The following PRR33 variants were observed in gnomAD, a reference collection of about 807,000 sequenced individuals.
PRR33 encodes the protein proline rich 33.
PRR33 carries 1 observed loss-of-function variant against 0.5 expected under a neutral mutation model. That is an observed-to-expected ratio of 2.18 (90% CI 0.77 to 10.34). The LOEUF (loss-of-function observed/expected upper bound fraction) is 10.34, where lower values mean the gene tolerates loss of function less well. Among genes scored for constraint, PRR33 ranks in the 30% most tolerant of loss-of-function variants. The pLI, the probability that PRR33 is intolerant of heterozygous loss-of-function variation, is 0.13. For missense variants in PRR33, 552 were observed against 251.8 expected (o/e 2.19, Z -8.07); for synonymous variants, 226 against 110.0 (o/e 2.06, Z -6.60).
chr11:1,909,483 C>T, the PRR33 span, among the ~76,000 whole-genome samples: 8,130 of 152,130 alleles, frequency 0.053, 293 homozygotes, highest in Non-Finnish European at 0.081. Context: ...TGGTGGCACG[C>T]GCCTGTAATC....
Position 1,889,414 on chromosome 11 carries a change from G to A in PRR33, c.1171C>T (p.Arg391Trp), listed in dbSNP as rs761918001. The change falls in exon 1 of 1, where the codon CGG becomes TGG. Residue 391 changes from arginine to tryptophan, a missense_variant. By Grantham distance (101) the Arg-to-Trp change is moderately radical. Transcript: ENST00000640310. ...CTGGAGGTCCGGGAGGCGGGGGCCC[G>A]GGGTGCGGTGAGGGCGGGCACCTCC... 1.9e-4 allele frequency: 129 copies of A among 679,390 alleles called. No individual in the cohort carries two copies. In the African/African-American group the frequency reaches 2.1e-3, roughly 11 times the overall value. The allele number at this position is 679,390 out of a possible 1,614,324, so 42.1% of individuals were successfully genotyped here.
chr11:1,890,728 A>G lies in PRR33; in HGVS notation c.-144T>C, dbSNP rs541787757. 5.5e-5 allele frequency: 33 copies of G among 604,078 alleles called. No homozygotes were observed. The African/African-American group carries it at 5.5e-4, about 10-fold the overall frequency. The allele number at this position is 604,078 out of a possible 1,614,324, so 37.4% of individuals were successfully genotyped here. A position where few individuals can be genotyped will look rare whatever the true frequency, so the allele number is the denominator to read the frequency against. On this transcript the variant is annotated 5_prime_UTR_variant, in exon 1 of 1. Transcript: ENST00000640310. ...GTATTCTGCTTCCTGAGCACCCAGA[A>G]CCTGCCAGGGACATGCTGAGCTCGA...
At chr11:1,910,667 A>G in the PRR33 span, among the ~76,000 whole-genome samples, 71 of 152,326 alleles carry the variant, frequency 4.7e-4, no homozygotes, top group Middle Eastern at 3.4e-3. Flanking sequence ...TCCAGTGACA[A>G]TCCTTGTCTC....
chr11:1,911,434 T>A, the PRR33 span, among the ~76,000 whole-genome samples: 1 of 152,074 alleles, frequency 6.6e-6, no homozygotes, highest in Non-Finnish European at 1.5e-5. Flanking sequence ...AGAGTGAGAC[T>A]CTGTATCAAA....
exon 1 of PRR33, chr11:1,889,195 G>A (rs772822944): frequency 1.5e-6 from 1 of 674,956 alleles, no homozygotes; most frequent in South Asian, 1.6e-5. Flanking sequence ...TTGGGCTGGG[G>A]GCTCAGCTCC....
chr11:1,915,137 T>TTC, the PRR33 span, among the ~76,000 whole-genome samples: 2 of 76,624 alleles, frequency 2.6e-5, no homozygotes, highest in Non-Finnish European at 5.6e-5. Flanking sequence ...GGGATGATGT[T>TTC]TCTGTGTGTG....
chr11:1,907,522 C>T, the PRR33 span, among the ~76,000 whole-genome samples: 5 of 152,224 alleles, frequency 3.3e-5, no homozygotes, highest in African/African-American at 1.2e-4. Flanking sequence ...AGTGATTCTC[C>T]TGCCTAAGCC....
chr11:1,917,275 C>A, the PRR33 span, among the ~76,000 whole-genome samples: 4 of 152,188 alleles, frequency 2.6e-5, no homozygotes, highest in Non-Finnish European at 5.9e-5. Context: ...CCCAACCATG[C>A]GCACTGGGTG....
At chr11:1,888,410 C>T (rs966429050) in exon 1 of PRR33, among the ~76,000 whole-genome samples, 1 of 152,190 alleles carries the variant, frequency 6.6e-6, no homozygotes, top group Non-Finnish European at 1.5e-5. Context: ...CTGGGCATGG[C>T]CAGTGCTGAG....
chr11:1,917,463 A>G, the PRR33 span, among the ~76,000 whole-genome samples: 6 of 152,156 alleles, frequency 3.9e-5, no homozygotes, highest in African/African-American at 1.4e-4. Context: ...CCCTAGAGCC[A>G]AGGCCCCGTG....
At chr11:1,895,715 T>C (rs993288274), upstream of PRR33, among the ~76,000 whole-genome samples, 2 of 152,240 alleles carry the variant, frequency 1.3e-5, no homozygotes, top group Admixed American at 1.3e-4. Flanking sequence ...TTGTGTATAG[T>C]GTGAGGTACG....
At chr11:1,898,061 A>G in the PRR33 span, among the ~76,000 whole-genome samples, 2 of 152,154 alleles carry the variant, frequency 1.3e-5, no homozygotes, top group African/African-American at 2.4e-5. Flanking sequence ...TACCTGATAC[A>G]TTCCTCCATG....
the PRR33 span, among the ~76,000 whole-genome samples, chr11:1,913,152 A>T: frequency 6.8e-6 from 1 of 147,554 alleles, no homozygotes; most frequent in East Asian, 2.0e-4. Context: ...TTTTTTTGAG[A>T]TGGAGTCTCG....
chr11:1,889,504 G>A (rs1478220512), exon 1 of PRR33: 8 of 617,050 alleles, frequency 1.3e-5, no homozygotes, highest in South Asian at 3.8e-5. Context: ...AGGCTCTGCC[G>A]CGGCTCTGGG....
At chr11:1,916,436 G>C in the PRR33 span, among the ~76,000 whole-genome samples, 1 of 152,068 alleles carries the variant, frequency 6.6e-6, no homozygotes, top group Non-Finnish European at 1.5e-5. Flanking sequence ...TCCTTTCTCA[G>C]ATGCCCCAGC....
At chr11:1,894,765 G>A (rs1284237532), upstream of PRR33, among the ~76,000 whole-genome samples, 1 of 152,106 alleles carries the variant, frequency 6.6e-6, no homozygotes, top group Non-Finnish European at 1.5e-5. Flanking sequence ...AAAGTAATGT[G>A]GCCATTTACA....
At chr11:1,914,013 G>A in the PRR33 span, among the ~76,000 whole-genome samples, 1 of 152,238 alleles carries the variant, frequency 6.6e-6, no homozygotes, top group Non-Finnish European at 1.5e-5. Context: ...CTCCTGGGGG[G>A]CCTTTCAGAA....
At chr11:1,904,245 T>C in the PRR33 span, among the ~76,000 whole-genome samples, 4 of 152,086 alleles carry the variant, frequency 2.6e-5, no homozygotes, top group Admixed American at 2.6e-4. Context: ...AAGAGAAAAC[T>C]TGGCCGGGCG....
At chr11:1,910,232 A>G in the PRR33 span, among the ~76,000 whole-genome samples, 2 of 151,034 alleles carry the variant, frequency 1.3e-5, no homozygotes, top group African/African-American at 4.9e-5. Flanking sequence ...ACGCTGGCCA[A>G]GATGTCACTG....
Sources: allele counts gnomAD v4.1 joint callset (sites outside exome capture counted in the v4.1 genomes callset), GRCh38; gene constraint gnomAD v4.1.1; transcripts MANE v1.5; gene names NCBI Gene and HGNC (gene_info 2026-07-23, HGNC 2026-07-21).